PLAC9: variants seen among roughly 807,000 people sequenced by gnomAD.
PLAC9 encodes the protein placenta associated 9.
A neutral mutation model predicts 11.5 loss-of-function variants in PLAC9; 12 were observed. The ratio of observed to expected loss-of-function variants is 1.05; its 90% CI spans 0.67 to 1.69. The LOEUF is 1.69. PLAC9 is among the 40% of genes most tolerant of loss of function. The pLI is 0.00. For synonymous variants in PLAC9, 62 were observed against 58.1 expected, an observed-to-expected ratio of 1.07 and a Z score of -0.31; for missense variants, 132 against 130.5, an observed-to-expected ratio of 1.01 and a Z score of -0.06.
At position 80,145,036 on chromosome 10, in the gene PLAC9, T is replaced by C; in HGVS notation, c.*126T>C. The C allele has an allele frequency of 8.1e-7, 1 of 1,235,832 alleles. No homozygotes were observed. The highest frequency in any genetic ancestry group is 1.2e-6 in the Non-Finnish European group (1 of 861,774). 76.6% of individuals were successfully genotyped at this position (1,235,832 alleles called of 1,614,324 possible). A position where few individuals can be genotyped will look rare whatever the true frequency, so the allele number is the denominator to read the frequency against. ...AAATAAAAGCTATTCTGGTCTCCTC[T>C]GTGTCTGCTGACAGAGTAACCCGTT... On this transcript the variant is annotated 3_prime_UTR_variant, in exon 4 of 4. Transcript: ENST00000372263.
At chr10:80,143,394 T>TC in intron 2 of PLAC9, among the ~76,000 whole-genome samples, 1 of 25,166 alleles carries the variant, frequency 4.0e-5, no homozygotes. Context: ...CTTGAATTTT[T>TC]TTTTTTTTTT....
At chr10:80,131,910 C>A (rs370825389), upstream of PLAC9, 1 of 152,218 alleles carries the variant, frequency 6.6e-6, no homozygotes, top group Non-Finnish European at 1.5e-5. Flanking sequence ...TACAGCCAGA[C>A]GAGACACTCA....
At chr10:80,135,624 C>T (rs1251278647) in intron 1 of PLAC9, among the ~76,000 whole-genome samples, 1 of 152,012 alleles carries the variant, frequency 6.6e-6, no homozygotes, top group African/African-American at 2.4e-5. Context: ...CAGGCATGAG[C>T]CACCGCGCTG....
At position 80,144,320 on chromosome 10, in the gene PLAC9, G is replaced by A. The variant is rs1845075584; in HGVS notation, c.260G>A (p.Ser87Asn). 1.2e-6 allele frequency: 2 copies of A among 1,609,744 alleles called. No individual in the cohort carries two copies. Among genetic ancestry groups the A allele is most frequent in the Non-Finnish European group, 8.5e-7 (1 of 1,179,708 alleles). The part of the protein sequence containing the change: ...LAWNLPPGPF[S>N]PAPDLLGDGF ...TGGAACCTGCCCCCGGGACCCTTCA[G>A]CCCCGCTCCCGACCTTCTCGGAGGT... The change falls in exon 3 of 4, where the codon AGC becomes AAC. Residue 87 changes from serine (S) to asparagine (N), a missense_variant. Coordinates refer to ENST00000372263, the MANE Select transcript of PLAC9 (RefSeq NM_001012973.3).
At chr10:80,141,984 CT>C (rs1845045612) in intron 1 of PLAC9, 97 bp from the exon 2 acceptor site, 2 of 921,562 alleles carry the variant, frequency 2.2e-6, no homozygotes, top group African/African-American at 3.3e-5. Context: ...CCTGAGTTTG[CT>C]TTGAGGACTG....
At position 80,144,969 on chromosome 10, in the gene PLAC9, A is replaced by G; in HGVS notation, c.*59A>G. ...TGCACCTGCCAGGCAGCGCCCACAG[A>G]ACCAGCCCTGTCCTCTCGACTTCCT... On this transcript the variant is annotated 3_prime_UTR_variant, in exon 4 of 4. Transcript: ENST00000372263. 1 of 1,555,262 alleles carries G rather than the reference A, an allele frequency of 6.4e-7. No individual in the cohort carries two copies. The highest frequency in any genetic ancestry group is 8.7e-7 in the Non-Finnish European group (1 of 1,147,176).
chr10:80,137,681 G>C (rs780967926), intron 1 of PLAC9, among the ~76,000 whole-genome samples: 1 of 152,142 alleles, frequency 6.6e-6, no homozygotes, highest in Non-Finnish European at 1.5e-5. Flanking sequence ...TTGGGAGGCC[G>C]AGACAGGCGG....
rs551408674 is a variant in PLAC9 at position 80,145,256 on chromosome 10, G to C, written c.*346G>C. 2 of 460,592 alleles carry C rather than the reference G, an allele frequency of 4.3e-6. No homozygotes were observed. Among genetic ancestry groups the C allele is most frequent in the Non-Finnish European group, 7.7e-6 (2 of 260,460 alleles). 28.5% of individuals were successfully genotyped at this position (460,592 alleles called of 1,614,324 possible). On this transcript the variant is annotated 3_prime_UTR_variant, in exon 4 of 4. Coordinates refer to ENST00000372263, the MANE Select transcript of PLAC9 (RefSeq NM_001012973.3). ...CCATAGGTGAAAAGCAAGGGGATCA[G>C]GGTCTCAGGACCCACCCAGACTGTT...
chr10:80,135,300 G>A (rs1380685323), intron 1 of PLAC9, among the ~76,000 whole-genome samples: 1 of 146,820 alleles, frequency 6.8e-6, no homozygotes. Flanking sequence ...GGGATTACAG[G>A]TGTGAGCCAC....
chr10:80,144,373 T>C (rs1220353402), intron 3 of PLAC9, 30 bp downstream of exon 3: 10 of 1,558,588 alleles, frequency 6.4e-6, no homozygotes, highest in East Asian at 2.4e-5. Flanking sequence ...GAGGACAGCC[T>C]CTGGGCGGCT....
In PLAC9 at chr10:80,145,152, C is replaced by T. The variant is rs1055356326; in HGVS notation, c.*242C>T. On this transcript the variant is annotated 3_prime_UTR_variant, in exon 4 of 4. Transcript: ENST00000372263. Reference sequence around the variant, plus strand: ...GACCTGGGGACACCCCCACTCCTGTCATTTATAGGGGCAGATGGAGCAGGG... The same window carrying T: ...GACCTGGGGACACCCCCACTCCTGTTATTTATAGGGGCAGATGGAGCAGGG... 1.2e-5 allele frequency: 8 copies of T among 651,132 alleles called. No homozygotes were observed. The African/African-American group carries it at 1.5e-4, about 12-fold the overall frequency. The allele number at this position is 651,132 out of a possible 1,614,324, so 40.3% of individuals were successfully genotyped here. A position where few individuals can be genotyped will look rare whatever the true frequency, so the allele number is the denominator to read the frequency against.
chr10:80,144,464 C>T (rs1208390536), intron 3 of PLAC9, 121 bp downstream of exon 3: 2 of 1,339,996 alleles, frequency 1.5e-6, no homozygotes, highest in African/African-American at 1.5e-5. Flanking sequence ...AGGGCCCCAG[C>T]GCTCCCTGGG....
intron 1 of PLAC9, among the ~76,000 whole-genome samples, chr10:80,136,624 A>G (rs1447590990): frequency 1.3e-5 from 2 of 151,534 alleles, no homozygotes; most frequent in Non-Finnish European, 2.9e-5. Context: ...AGTATATACC[A>G]CCAATCCTGG....
At chr10:80,140,593 C>T (rs1399773319) in intron 1 of PLAC9, among the ~76,000 whole-genome samples, 1 of 152,148 alleles carries the variant, frequency 6.6e-6, no homozygotes, top group Non-Finnish European at 1.5e-5. Flanking sequence ...CCTGATGCCC[C>T]ACAGGCATCT....
At chr10:80,137,975 C>T (rs1844998767) in intron 1 of PLAC9, among the ~76,000 whole-genome samples, 1 of 151,976 alleles carries the variant, frequency 6.6e-6, no homozygotes, top group Non-Finnish European at 1.5e-5. Flanking sequence ...GCTCCTGCCT[C>T]TCAAGGGCCT....
In PLAC9 at chr10:80,132,798, C is replaced by T. The variant is rs946510385; in HGVS notation, c.36C>T (p.Ala12=). 8 of 1,499,220 alleles carry T rather than the reference C, an allele frequency of 5.3e-6. No homozygotes were observed. The African/African-American group carries it at 5.8e-5, about 11-fold the overall frequency. 92.9% of individuals were successfully genotyped at this position (1,499,220 alleles called of 1,614,324 possible). Residue 12 remains alanine, a synonymous_variant, in exon 1 of 4, where the codon GCC becomes GCT. Coordinates refer to ENST00000372263, the MANE Select transcript of PLAC9 (RefSeq NM_001012973.3). ...TGCTCTGCGCGCTGACCGGACTGGC[C>T]CTGCTCCGCGCCGCGGGCTCTTTGG... ...RPLLCALTGL[A]LLRAAGSLAA... is the part of the protein sequence containing the mutation.
chr10:80,142,511 T>C (rs1402537868), intron 2 of PLAC9, among the ~76,000 whole-genome samples: 1 of 152,236 alleles, frequency 6.6e-6, no homozygotes. Flanking sequence ...CACAAGCCTT[T>C]AACTGAAATT....
intron 2 of PLAC9, 196 bp from the exon 3 acceptor site, chr10:80,144,027 C>A: frequency 1.5e-6 from 1 of 668,042 alleles, no homozygotes; most frequent in Non-Finnish European, 2.5e-6. Flanking sequence ...AGAGAGCAAG[C>A]CCCCTAGGAT....
upstream of PLAC9, chr10:80,132,729 C>G (rs1241409645): frequency 2.8e-6 from 4 of 1,442,710 alleles, no homozygotes; most frequent in Admixed American, 8.1e-5. Flanking sequence ...CGGCTGCGGG[C>G]AGACGCGGCG....
Sources: allele counts gnomAD v4.1 joint callset (sites outside exome capture counted in the v4.1 genomes callset), GRCh38; gene constraint gnomAD v4.1.1; transcripts MANE v1.5; gene names NCBI Gene and HGNC (gene_info 2026-07-23, HGNC 2026-07-21).